Variants in PC observed in about 807,000 individuals in gnomAD.
The protein encoded by PC is pyruvate carboxylase, also known as pyruvate carboxylase, mitochondrial.
Under a neutral mutation model 107.8 loss-of-function variants are expected in PC, and 46 were observed. That is an observed-to-expected ratio of 0.43 (90% CI 0.34 to 0.55). The LOEUF is 0.55. Among genes scored for constraint, PC ranks in the 20% least tolerant of loss-of-function variants. The probability of loss-of-function intolerance (pLI) is 0.04; values close to 1 mark genes in which losing one functional copy is unlikely to be tolerated. For synonymous variants in PC, 662 were observed against 684.7 expected, an observed-to-expected ratio of 0.97 and a Z score of 0.52; for missense variants, 1,241 against 1,643.1, an observed-to-expected ratio of 0.76 and a Z score of 4.23.
intron 10 of PC, 105 bp downstream of exon 10, chr11:66,868,741 G>A (rs1036530106): frequency 6.1e-6 from 5 of 818,764 alleles, no homozygotes; most frequent in African/African-American, 1.7e-5. Context: ...CCACCAATGT[G>A]GGGAGTGAGC....
intron 11 of PC, among the ~76,000 whole-genome samples, chr11:66,865,166 C>T (rs1273831540): frequency 6.6e-6 from 1 of 152,206 alleles, no homozygotes; most frequent in African/African-American, 2.4e-5. Context: ...GGCCAGCTCC[C>T]TGCTGAAGCC....
intron 10 of PC, among the ~76,000 whole-genome samples, chr11:66,867,210 AC>A (rs900902541): frequency 3.9e-5 from 6 of 152,128 alleles, no homozygotes; most frequent in African/African-American, 1.4e-4. Flanking sequence ...ACATGGTGAA[AC>A]CCTGTCTCTA....
intron 3 of PC, among the ~76,000 whole-genome samples, chr11:66,921,992 C>G (rs1404612167): frequency 1.3e-5 from 2 of 152,154 alleles, no homozygotes; most frequent in Non-Finnish European, 2.9e-5. Flanking sequence ...CTCTCCCTCA[C>G]CCCATCTTCC....
In PC at chr11:66,871,382, C is replaced by G. The variant is rs1362134399; in HGVS notation, c.420G>C (p.Gly140=). ...TCTTGCGGACCACTTCTGGGCTTGG[C>G]CCAATAAACCGGACCCCTGCATCCT... ...ACQDAGVRFI[G]PSPEVVRKMG... The change falls in exon 6 of 23, where the codon GGG becomes GGC. Residue 140 remains glycine (G), a synonymous_variant. Coordinates refer to ENST00000393960, the MANE Select transcript of PC (RefSeq NM_001040716.2). The surrounding 1 kb of genome is among the most constrained non-coding windows in gnomAD (Gnocchi z 7.4). 1 of 1,613,824 alleles carries G rather than the reference C, an allele frequency of 6.2e-7. No individual in the cohort carries two copies. The highest frequency in any genetic ancestry group is 8.5e-7 in the Non-Finnish European group (1 of 1,180,028).
chr11:66,945,988 A>C (rs1949274845), intron 3 of PC, among the ~76,000 whole-genome samples: 1 of 149,336 alleles, frequency 6.7e-6, no homozygotes, highest in African/African-American at 2.5e-5. Context: ...CGGGAGGCTG[A>C]GGCAGGAGAA....
chr11:66,921,872 C>T (rs370064739), intron 3 of PC, among the ~76,000 whole-genome samples: 1 of 152,100 alleles, frequency 6.6e-6, no homozygotes, highest in Non-Finnish European at 1.5e-5. Context: ...CCAAAACCAC[C>T]CAAGAGTTCT....
At chr11:66,934,222 AC>A (rs1948937922) in intron 3 of PC, among the ~76,000 whole-genome samples, 1 of 152,088 alleles carries the variant, frequency 6.6e-6, no homozygotes, top group African/African-American at 2.4e-5. Flanking sequence ...CCTCGGATTC[AC>A]ATATTCTACC....
At chr11:66,886,963 A>T (rs955708461) in intron 3 of PC, among the ~76,000 whole-genome samples, 2 of 152,202 alleles carry the variant, frequency 1.3e-5, no homozygotes, top group Admixed American at 6.5e-5. Flanking sequence ...ACTGTGCCAC[A>T]GCGTCTTTCC....
chr11:66,866,368 A>AG lies in PC; in HGVS notation c.1023-20dup. 9.1e-7 allele frequency: 1 copy of AG among 1,104,094 alleles called. No homozygotes were observed. The highest frequency in any genetic ancestry group is 1.2e-6 in the Non-Finnish European group (1 of 827,598). 68.4% of individuals were successfully genotyped at this position (1,104,094 alleles called of 1,614,324 possible). On this transcript the variant is annotated intron_variant, in intron 10 of 22. Coordinates refer to ENST00000393960, the MANE Select transcript of PC (RefSeq NM_001040716.2). The surrounding 1 kb of genome is among the most constrained non-coding windows in gnomAD (Gnocchi z 5.4). The stretch of plus-strand genomic sequence containing the variant: ...GTCTACGCTGTAGGGCATTGGGGGG[A>AG]GGGGGGAAAGGACGGGAGAAAGGGG...
chr11:66,919,865 A>G (rs1948552740), intron 3 of PC: 1 of 152,248 alleles, frequency 6.6e-6, no homozygotes. Flanking sequence ...GTCCTGGAGA[A>G]GAGGTACAGA....
chr11:66,911,653 G>T (rs1016357673), intron 3 of PC, among the ~76,000 whole-genome samples: 2 of 152,050 alleles, frequency 1.3e-5, no homozygotes, highest in Non-Finnish European at 2.9e-5. Context: ...GCGTAAAGAG[G>T]AAGAGATTAA....
In PC at chr11:66,945,422, G is replaced by T. The variant is rs1367058248; in HGVS notation, c.-1+7008C>A. Among the ~76,000 whole-genome samples, 45 of 97,308 alleles carry T rather than the reference G, an allele frequency of 4.6e-4. 15 individuals carry two copies. The highest frequency in any genetic ancestry group is 1.7e-4 in the Non-Finnish European group (8 of 46,522). 63.8% of individuals were successfully genotyped at this position (97,308 alleles called of 152,430 possible). A position where few individuals can be genotyped will look rare whatever the true frequency, so the allele number is the denominator to read the frequency against. ...ATTAACTGAATTCAAATGGTTTGGG[G>T]GGGCGGGTCGGAACTGCAGAGTTAC... On this transcript the variant is annotated intron_variant, in intron 3 of 22. Coordinates refer to ENST00000393960, the MANE Select transcript of PC (RefSeq NM_001040716.2).
intron 3 of PC, among the ~76,000 whole-genome samples, chr11:66,932,018 CAAAA>C (rs756391349): frequency 5.1e-5 from 3 of 59,332 alleles, no homozygotes; most frequent in Non-Finnish European, 7.4e-5. Context: ...GACTCTGTCT[CAAAA>C]AAAAAAAAAA....
rs1949202288 is a variant in PC, at chr11:66,943,591, A to C, written c.-1+8839T>G. Among the ~76,000 whole-genome samples, 12 of 147,922 alleles carry C rather than the reference A, an allele frequency of 8.1e-5. No homozygotes were observed. In the Admixed American group the frequency reaches 8.1e-4, roughly 10 times the overall value. On this transcript the variant is annotated intron_variant, in intron 3 of 22. Transcript: ENST00000393960. ...GAACCCTGTCTCTACTAAAAATGCA[A>C]AAAAAAAAAATTTGCCGGGCGTGGT... is the stretch of plus-strand genomic sequence containing the variant.
chr11:66,936,015 G>A (rs1948992505), intron 3 of PC, among the ~76,000 whole-genome samples: 1 of 151,326 alleles, frequency 6.6e-6, no homozygotes, highest in South Asian at 2.1e-4. Flanking sequence ...GGAAGTTGAG[G>A]CTGCAGTGAG....
chr11:66,957,199 G>A (rs990361916), intron 1 of PC, among the ~76,000 whole-genome samples: 1 of 152,282 alleles, frequency 6.6e-6, no homozygotes, highest in Non-Finnish European at 1.5e-5. Flanking sequence ...TAGGGAGGCA[G>A]ATGGCAGGCA....
chr11:66,936,078 C>CAA (rs11346699), intron 3 of PC, among the ~76,000 whole-genome samples: 9 of 104,904 alleles, frequency 8.6e-5, no homozygotes, highest in East Asian at 8.2e-4. Flanking sequence ...GACCCTGTCT[C>CAA]AAAAAAAAAA....
At position 66,849,625 on chromosome 11, in the gene PC, C is replaced by T. The variant is rs747493128; in HGVS notation, c.3133G>A (p.Ala1045Thr). ...TRLFLQGPKI[A>T]EEFEVELERG... ...GAGCCACTGACCTCAAACTCCTCTG[C>T]GATCTTGGGTCCCTGCAGGAAGAGG... The change falls in exon 21 of 23, where the codon GCA (alanine) becomes ACA (threonine). Residue 1045 changes from alanine to threonine, a missense_variant. Coordinates refer to ENST00000393960, the MANE Select transcript of PC (RefSeq NM_001040716.2). The T allele has an allele frequency of 3.1e-6, 5 of 1,614,144 alleles. No homozygotes were observed. The highest frequency in any genetic ancestry group is 1.1e-5 in the South Asian group (1 of 91,084).
intron 3 of PC, among the ~76,000 whole-genome samples, chr11:66,928,192 C>A (rs950270312): frequency 1.3e-5 from 2 of 152,042 alleles, no homozygotes; most frequent in African/African-American, 4.8e-5. Context: ...CGAGACCATC[C>A]TGGCTAACAC....
Sources: gnomAD v4.1 joint callset for allele counts (sites outside exome capture counted in the v4.1 genomes callset) on GRCh38, gnomAD v4.1.1 for gene constraint, Gnocchi (gnomAD v3.1) non-coding constraint, MANE v1.5 for transcripts, NCBI Gene and HGNC (gene_info 2026-07-23, HGNC 2026-07-21) for gene names.